Variants in DCAF7 observed in about 807,000 individuals in gnomAD.
DCAF7 encodes the protein DDB1 and CUL4 associated factor 7.
Under a neutral mutation model 41.2 loss-of-function variants are expected in DCAF7, and 4 were observed. The ratio of observed to expected loss-of-function variants is 0.10; its 90% CI spans 0.05 to 0.22. The LOEUF is 0.22. Ranked by LOEUF, DCAF7 falls within the 10% of genes least tolerant of loss-of-function variation. DCAF7 has a pLI of 1.00. For missense variants in DCAF7, 131 were observed against 443.2 expected (o/e 0.30, Z 6.32); for synonymous variants, 143 against 164.2 (o/e 0.87, Z 0.99).
chr17:63,566,761 G>A (rs2033446846), intron 1 of DCAF7, among the ~76,000 whole-genome samples: 1 of 152,096 alleles, frequency 6.6e-6, no homozygotes. Flanking sequence ...AATTAGCTAG[G>A]TGTGGTGTCT....
Position 63,564,655 on chromosome 17 carries a change from C to A in DCAF7, c.139-13815C>A, listed in dbSNP as rs77173314. Among the ~76,000 whole-genome samples the A allele has an allele frequency of 8.0e-3, 1,224 of 152,356 alleles. 8 individuals are homozygous for A. Among genetic ancestry groups the A allele is most frequent in the Non-Finnish European group, 0.014 (944 of 68,040 alleles). ...GGAGCGGAGGATGGTCAGGCCCATTCTGAGGAGGCCAATTTGCCTGTCCAT... is the reference window on the plus strand; with the variant it reads ...GGAGCGGAGGATGGTCAGGCCCATTATGAGGAGGCCAATTTGCCTGTCCAT... On this transcript the variant is annotated intron_variant, in intron 1 of 6. Coordinates refer to ENST00000614556, the MANE Select transcript of DCAF7 (RefSeq NM_005828.5).
rs2033246244 is a variant in DCAF7 at position 63,550,986 on chromosome 17, T to C, written c.138+171T>C. Among the ~76,000 whole-genome samples the C allele has an allele frequency of 6.6e-6, 1 of 152,254 alleles. No individual in the cohort carries two copies. ...GGTTTCGTACTCGTTGTCTGTCTCC[T>C]TTAATCCAGGCAGCATTCTTGTGTA... On this transcript the variant is annotated intron_variant, in intron 1 of 6. Transcript: ENST00000614556. The surrounding 1 kb of genome is among the most constrained non-coding windows in gnomAD (Gnocchi z 4.8).
At chr17:63,558,035 A>G (rs1030723888) in intron 1 of DCAF7, among the ~76,000 whole-genome samples, 9 of 152,020 alleles carry the variant, frequency 5.9e-5, no homozygotes, top group Admixed American at 6.6e-5. Flanking sequence ...AGCTGAGACT[A>G]CAGGTGCACA....
At chr17:63,558,702 T>C (rs980115649) in intron 1 of DCAF7, among the ~76,000 whole-genome samples, 1 of 152,044 alleles carries the variant, frequency 6.6e-6, no homozygotes, top group African/African-American at 2.4e-5. Context: ...ACAGTCCTCC[T>C]GCCTGCCCAA....
chr17:63,570,501 C>A (rs1159048744), intron 1 of DCAF7, among the ~76,000 whole-genome samples: 1 of 152,040 alleles, frequency 6.6e-6, no homozygotes, highest in African/African-American at 2.4e-5. Flanking sequence ...TATTCTTTGC[C>A]TCCTAGATAC....
In DCAF7 at chr17:63,580,787, G is replaced by A. The variant is rs553818763; in HGVS notation, c.528+844G>A. On this transcript the variant is annotated intron_variant, in intron 4 of 6. Transcript: ENST00000614556. ...TCCACCCACCTTGGCCTCCCAAAGT[G>A]CTGGGATTACAGGCGTGAGCCACTG... Among the ~76,000 whole-genome samples, 462 of 152,204 alleles carry A rather than the reference G, an allele frequency of 3.0e-3. 1 individual carries two copies. Among genetic ancestry groups the A allele is most frequent in the Non-Finnish European group, 5.4e-3 (369 of 67,998 alleles).
rs1365784798 is a variant in DCAF7, at chr17:63,583,492, TCAC to T, written c.529-7_529-5del. ...TCTGAATCTGACTGGAGCTTCTTGTTCACCAACAGGTCTATGATATTGCATTTA... is the reference window on the plus strand; with the variant it reads ...TCTGAATCTGACTGGAGCTTCTTGTTCAACAGGTCTATGATATTGCATTTA... On this transcript the variant is annotated splice_region_variant and splice_polypyrimidine_tract_variant and intron_variant, in intron 4 of 6. Transcript: ENST00000614556. The T allele has an allele frequency of 2.5e-6, 4 of 1,612,714 alleles. No homozygotes were observed. The highest frequency in any genetic ancestry group is 2.5e-6 in the Non-Finnish European group (3 of 1,179,148).
chr17:63,590,553 C>T lies in DCAF7; in HGVS notation c.*1381C>T, dbSNP rs975837077. 2 of 152,608 alleles carry T rather than the reference C, an allele frequency of 1.3e-5. No homozygotes were observed. The highest frequency in any genetic ancestry group is 4.8e-5 in the African/African-American group (2 of 41,418). 9.5% of individuals were successfully genotyped at this position (152,608 alleles called of 1,614,324 possible). On this transcript the variant is annotated 3_prime_UTR_variant, in exon 7 of 7. Transcript: ENST00000614556. ...TGCAGTTGTCTTTTGACTTGCAGGC[C>T]GCAGGTGTCTTTCTGTTATGTGAAT...
At position 63,583,642 on chromosome 17, in the gene DCAF7, A is replaced by C; in HGVS notation, c.669A>C (p.Pro223=). ...TTTACGAAGACCCACAGCATCACCCACTGCTTCGCCTCTGCTGGAACAAGC... is the reference window on the plus strand; with the variant it reads ...TTTACGAAGACCCACAGCATCACCCCCTGCTTCGCCTCTGCTGGAACAAGC... The part of the protein sequence containing the change: ...TIIYEDPQHH[P]LLRLCWNKQD... Residue 223 remains proline (P), a synonymous_variant, in exon 5 of 7, where the codon CCA becomes CCC. Coordinates refer to ENST00000614556, the MANE Select transcript of DCAF7 (RefSeq NM_005828.5). 6.2e-7 allele frequency: 1 copy of C among 1,613,018 alleles called. No homozygotes were observed. Among genetic ancestry groups the C allele is most frequent in the Non-Finnish European group, 8.5e-7 (1 of 1,179,196 alleles).
At chr17:63,574,673 A>T (rs1361549066) in intron 1 of DCAF7, among the ~76,000 whole-genome samples, 1 of 152,220 alleles carries the variant, frequency 6.6e-6, no homozygotes, top group Non-Finnish European at 1.5e-5. Flanking sequence ...TTGGAAATGG[A>T]ATTTAAAACA....
At chr17:63,560,195 G>T (rs2033366004) in intron 1 of DCAF7, among the ~76,000 whole-genome samples, 1 of 152,020 alleles carries the variant, frequency 6.6e-6, no homozygotes, top group South Asian at 2.1e-4. Flanking sequence ...AAAAACCGTG[G>T]TAATCTACTG....
chr17:63,565,939 A>G (rs1256887090), intron 1 of DCAF7, among the ~76,000 whole-genome samples: 2 of 152,062 alleles, frequency 1.3e-5, no homozygotes, highest in African/African-American at 4.8e-5. Context: ...TGTCTCTACT[A>G]AAAATACAAA....
intron 1 of DCAF7, among the ~76,000 whole-genome samples, chr17:63,572,293 C>G (rs1219901708): frequency 1.3e-5 from 2 of 152,106 alleles, no homozygotes; most frequent in African/African-American, 4.8e-5. Flanking sequence ...TTACAGCTAG[C>G]AGGTGGTTAA....
chr17:63,583,751 T>C, intron 5 of DCAF7, 40 bp downstream of exon 5: 1 of 1,588,036 alleles, frequency 6.3e-7, no homozygotes, highest in Non-Finnish European at 8.6e-7. Flanking sequence ...CCTGCCTAAC[T>C]CCAGCACTGC....
At chr17:63,583,419 G>A in intron 4 of DCAF7, 83 bp from the exon 5 acceptor site, 1 of 1,245,898 alleles carries the variant, frequency 8.0e-7, no homozygotes, top group Non-Finnish European at 1.2e-6. Flanking sequence ...AGGTTTAGAT[G>A]AACTGGACGT....
chr17:63,567,420 G>A (rs759737860), intron 1 of DCAF7, among the ~76,000 whole-genome samples: 2 of 152,224 alleles, frequency 1.3e-5, no homozygotes, highest in African/African-American at 2.4e-5. Flanking sequence ...ACACACACTT[G>A]TGCAAACACA....
intron 6 of DCAF7, 46 bp downstream of exon 6, chr17:63,585,374 C>T (rs1416049160): frequency 3.3e-6 from 5 of 1,521,110 alleles, no homozygotes; most frequent in African/African-American, 1.4e-5. Context: ...TGGAGGAAAT[C>T]TGTTCTCTTG....
Position 63,558,528 on chromosome 17 carries a change from G to A in DCAF7, c.138+7713G>A, listed in dbSNP as rs192246967. On this transcript the variant is annotated intron_variant, in intron 1 of 6. Transcript: ENST00000614556. ...TGTCCCTAAACTTAATGTAATCCCTGTTTAAAATACCACAGTTGTTTTTTC... is the reference window on the plus strand; with the variant it reads ...TGTCCCTAAACTTAATGTAATCCCTATTTAAAATACCACAGTTGTTTTTTC... Among the ~76,000 whole-genome samples, 22 of 152,240 alleles carry A rather than the reference G, an allele frequency of 1.4e-4. No individual in the cohort carries two copies. The East Asian group carries it at 4.3e-3, about 29-fold the overall frequency.
At chr17:63,559,348 CGTATATATATGTATGT>C (rs2033346997) in intron 1 of DCAF7, among the ~76,000 whole-genome samples, 1 of 112,534 alleles carries the variant, frequency 8.9e-6, no homozygotes, top group Admixed American at 1.0e-4. Context: ...CATATATATA[CGTATATATATGTATGT>C]ATATATATAT....
Sources: allele counts gnomAD v4.1 joint callset (sites outside exome capture counted in the v4.1 genomes callset), GRCh38; gene constraint gnomAD v4.1.1; non-coding constraint Gnocchi (gnomAD v3.1); transcripts MANE v1.5; gene names NCBI Gene and HGNC (gene_info 2026-07-23, HGNC 2026-07-21).